Variants in ULK4 observed in about 807,000 individuals in gnomAD.
ULK4 encodes the protein inactive serine/threonine-protein kinase ULK4.
A neutral mutation model predicts 160.6 loss-of-function variants in ULK4; 133 were observed. That is an observed-to-expected ratio of 0.83 (90% CI 0.72 to 0.96). The LOEUF (loss-of-function observed/expected upper bound fraction) is 0.96, where lower values mean the gene tolerates loss of function less well. Among genes scored for constraint, ULK4 ranks in the 40% least tolerant of loss-of-function variants. The pLI, the probability that ULK4 is intolerant of heterozygous loss-of-function variation, is 0.00. For synonymous variants in ULK4, 534 were observed against 539.8 expected, an observed-to-expected ratio of 0.99 and a Z score of 0.15; for missense variants, 1,580 against 1,499.5, an observed-to-expected ratio of 1.05 and a Z score of -0.89.
chr3:41,325,951 A>T (rs1464702729), intron 35 of ULK4, among the ~76,000 whole-genome samples: 1 of 152,008 alleles, frequency 6.6e-6, no homozygotes, highest in Non-Finnish European at 1.5e-5. Context: ...ATAGATATAT[A>T]GATATAAATA....
chr3:41,674,367 T>C (rs768067001), intron 29 of ULK4, among the ~76,000 whole-genome samples: 1 of 152,204 alleles, frequency 6.6e-6, no homozygotes, highest in African/African-American at 2.4e-5. Flanking sequence ...AAGGTCAATT[T>C]AGGCTTCAGT....
intron 35 of ULK4, among the ~76,000 whole-genome samples, chr3:41,317,063 ATTTTT>A (rs1164870603): frequency 0.038 from 3,579 of 94,504 alleles, 85 homozygotes; most frequent in East Asian, 0.18. Context: ...AATTACATCT[ATTTTT>A]TTTTTTTTTT....
chr3:41,630,021 C>G (rs1410289179), intron 30 of ULK4, among the ~76,000 whole-genome samples: 3 of 152,148 alleles, frequency 2.0e-5, no homozygotes, highest in African/African-American at 7.2e-5. Flanking sequence ...CTGAGTAGCA[C>G]TAGCCTACGT....
chr3:41,324,244 T>A (rs1004561149), intron 35 of ULK4, among the ~76,000 whole-genome samples: 1 of 152,208 alleles, frequency 6.6e-6, no homozygotes, highest in Middle Eastern at 3.2e-3. Flanking sequence ...CATCTAGTTG[T>A]GTCACTATAC....
chr3:41,913,108 C>A, intron 8 of ULK4: 1 of 448,252 alleles, frequency 2.2e-6, no homozygotes, highest in South Asian at 4.1e-5. Flanking sequence ...TTAAATGGTA[C>A]AGAATGAAAC....
At chr3:41,314,222 A>G (rs1358646260) in intron 35 of ULK4, among the ~76,000 whole-genome samples, 5 of 152,166 alleles carry the variant, frequency 3.3e-5, no homozygotes, top group Non-Finnish European at 7.4e-5. Flanking sequence ...AAATTTTTAT[A>G]TATTTATGGG....
At chr3:41,261,635 T>G (rs908845867) in intron 35 of ULK4, among the ~76,000 whole-genome samples, 3 of 152,192 alleles carry the variant, frequency 2.0e-5, no homozygotes, top group Admixed American at 1.3e-4. Flanking sequence ...TCTTGTAAAT[T>G]GCATAGCGCC....
chr3:41,579,230 G>A (rs2030020131), intron 31 of ULK4, among the ~76,000 whole-genome samples: 1 of 152,126 alleles, frequency 6.6e-6, no homozygotes, highest in Non-Finnish European at 1.5e-5. Context: ...ATGTCGAAAT[G>A]GCTTGATTAA....
chr3:41,729,432 C>T (rs577626245), intron 22 of ULK4, among the ~76,000 whole-genome samples: 2 of 152,332 alleles, frequency 1.3e-5, no homozygotes, highest in South Asian at 2.1e-4. Context: ...CTGACCCAAG[C>T]TGCTACTGCA....
At chr3:41,754,752 C>T (rs2038741415) in intron 21 of ULK4, among the ~76,000 whole-genome samples, 1 of 152,000 alleles carries the variant, frequency 6.6e-6, no homozygotes, top group African/African-American at 2.4e-5. Flanking sequence ...AGCAATTTAC[C>T]CAAATTCAGA....
At chr3:41,898,834 A>C (rs1486968616) in intron 13 of ULK4, among the ~76,000 whole-genome samples, 2 of 152,258 alleles carry the variant, frequency 1.3e-5, no homozygotes, top group African/African-American at 2.4e-5. Flanking sequence ...CTCTATGCCA[A>C]GTGCTAATGG....
intron 15 of ULK4, among the ~76,000 whole-genome samples, chr3:41,896,249 CT>C (rs1050218025): frequency 2.0e-5 from 3 of 151,382 alleles, no homozygotes; most frequent in Non-Finnish European, 1.5e-5. Context: ...TATGATATCA[CT>C]TTTTTTTTAT....
At position 41,695,380 on chromosome 3, in the gene ULK4, T is replaced by A. The variant is rs78548416; in HGVS notation, c.2781+9677A>T. Among the ~76,000 whole-genome samples the A allele has an allele frequency of 4.6e-5, 7 of 152,324 alleles. No individual in the cohort carries two copies. In the East Asian group the frequency reaches 1.3e-3, roughly 29 times the overall value. On this transcript the variant is annotated intron_variant, in intron 27 of 36. Transcript: ENST00000301831. ...CTTCGTGCCCCATCTTGGTCTCTAA[T>A]GCCATTTCCCAATAAAGAAAACCGG...
intron 19 of ULK4, among the ~76,000 whole-genome samples, chr3:41,808,081 G>C (rs749790650): frequency 1.3e-5 from 2 of 152,158 alleles, no homozygotes; most frequent in African/African-American, 2.4e-5. Context: ...TCTGGGGAAT[G>C]CTAAGCTTCC....
intron 19 of ULK4, among the ~76,000 whole-genome samples, chr3:41,809,615 C>G (rs1308330151): frequency 1.3e-5 from 2 of 152,162 alleles, no homozygotes; most frequent in Non-Finnish European, 2.9e-5. Context: ...CTCTCCCCTG[C>G]TCTGCAGTGT....
At chr3:41,917,282 T>A (rs944951697) in intron 7 of ULK4, among the ~76,000 whole-genome samples, 29 of 152,124 alleles carry the variant, frequency 1.9e-4, no homozygotes, top group Non-Finnish European at 3.8e-4. Context: ...GGCAGGCGGA[T>A]CACTCGAGGC....
chr3:41,847,179 G>C (rs7610291), intron 17 of ULK4, among the ~76,000 whole-genome samples: 20,122 of 152,124 alleles, frequency 0.13, 4,341 homozygotes, highest in African/African-American at 0.45. Flanking sequence ...ATGAAAAGGT[G>C]AAATGTGCTT....
At chr3:41,785,039 T>C (rs1267484760) in intron 21 of ULK4, among the ~76,000 whole-genome samples, 1 of 152,206 alleles carries the variant, frequency 6.6e-6, no homozygotes, top group Non-Finnish European at 1.5e-5. Flanking sequence ...CCACATAATC[T>C]ACCTTTCCAA....
intron 32 of ULK4, among the ~76,000 whole-genome samples, chr3:41,484,578 G>A (rs1467731099): frequency 6.6e-6 from 1 of 151,596 alleles, no homozygotes; most frequent in Non-Finnish European, 1.5e-5. Flanking sequence ...TCAGCCTCCG[G>A]AGTAGCTGGG....
Sources: gnomAD v4.1 joint callset for allele counts (sites outside exome capture counted in the v4.1 genomes callset) on GRCh38, gnomAD v4.1.1 for gene constraint, MANE v1.5 for transcripts, NCBI Gene and HGNC (gene_info 2026-07-23, HGNC 2026-07-21) for gene names.